Variants in CORO6 observed in about 807,000 individuals in gnomAD.
The protein encoded by CORO6 is coronin 6.
CORO6 carries 43 observed loss-of-function variants against 49.0 expected under a neutral mutation model. That is an observed-to-expected ratio of 0.88 (90% CI 0.69 to 1.13). The LOEUF (loss-of-function observed/expected upper bound fraction) is 1.13. Among genes scored for constraint, CORO6 ranks in the 50% most tolerant of loss-of-function variants. The probability of loss-of-function intolerance (pLI) is 0.00; values close to 1 mark genes in which losing one functional copy is unlikely to be tolerated. For synonymous variants in CORO6, 233 were observed against 256.5 expected, an observed-to-expected ratio of 0.91 and a Z score of 0.88; for missense variants, 650 against 647.0, an observed-to-expected ratio of 1.00 and a Z score of -0.05.
In CORO6 at chr17:29,619,108, C is replaced by G. The variant is rs1157668383; in HGVS notation, c.403G>C (p.Gly135Arg). Residue 135 changes from glycine to arginine, a missense_variant, in exon 4 of 11, where the codon GGC becomes CGC. Transcript: ENST00000388767. ...GCAGTAGGGTGCCAGGAGAGGATGC[C>G]CACACGCTTGGAGTGGCCCTCAAGT... ...ITLEGHSKRV[G>R]ILSWHPTARN... 1 of 1,613,674 alleles carries G rather than the reference C, an allele frequency of 6.2e-7. No homozygotes were observed. Among genetic ancestry groups the G allele is most frequent in the Non-Finnish European group, 8.5e-7 (1 of 1,179,898 alleles).
At position 29,621,555 on chromosome 17, in the gene CORO6, C is replaced by T. The variant is rs2035309646; in HGVS notation, c.-63-71G>A. On this transcript the variant is annotated intron_variant, in intron 1 of 10. Transcript: ENST00000388767. The surrounding 1 kb of genome is among the most constrained non-coding windows in gnomAD (Gnocchi z 4.2). ...ATGTGGTCAGGAGTCAGGTATAAAT[C>T]CATATAGTGTCTGGTCCTAGAAGCA... 7.0e-7 allele frequency: 1 copy of T among 1,436,872 alleles called. No individual in the cohort carries two copies. Among genetic ancestry groups the T allele is most frequent in the African/African-American group, 1.4e-5 (1 of 70,718 alleles). The allele number at this position is 1,436,872 out of a possible 1,614,324, so 89.0% of individuals were successfully genotyped here.
rs1360934166 is a variant in CORO6, at chr17:29,618,943, A to C, written c.480T>G (p.Asn160Lys). The C allele has an allele frequency of 6.2e-7, 1 of 1,613,652 alleles. No individual in the cohort carries two copies. Among genetic ancestry groups the C allele is most frequent in the Non-Finnish European group, 8.5e-7 (1 of 1,180,008 alleles). The part of the protein sequence containing the change: ...AGGDNVIIIW[N>K]VGTGEVLLSL... ...TCAGCAGCACCTCCCCGGTGCCCAC[A>C]TTCCAGATGATGATCACATTGTCAC... The change falls in exon 5 of 11, where the codon AAT becomes AAG. Residue 160 changes from asparagine (N) to lysine (K), a missense_variant. Asn to Lys is a moderately conservative substitution (Grantham distance 94, BLOSUM62 0). Transcript: ENST00000388767.
Position 29,618,883 on chromosome 17 carries a change from A to C in CORO6, c.540T>G (p.Ser180Arg). The C allele has an allele frequency of 6.2e-7, 1 of 1,613,848 alleles. No homozygotes were observed. Among genetic ancestry groups the C allele is most frequent in the Non-Finnish European group, 8.5e-7 (1 of 1,179,970 alleles). Residue 180 changes from serine (S) to arginine (R), a missense_variant, in exon 5 of 11, where the codon AGT becomes AGG. Physicochemically the swap from Ser to Arg is moderately radical, Grantham distance 110. Coordinates refer to ENST00000388767, the MANE Select transcript of CORO6 (RefSeq NM_032854.4). ...GGCTACCGTTGCTGTTCCAGCACAC[A>C]CTGTGGATGACGTCTGGGTGCATAT... ...LDDMHPDVIH[S>R]VCWNSNGSLL... is the part of the protein sequence containing the mutation.
At chr17:29,622,614 G>T in intron 1 of CORO6, 74 bp downstream of exon 1, 1 of 876,834 alleles carries the variant, frequency 1.1e-6, no homozygotes. Context: ...GGGAGGAGGC[G>T]CAGACCTCTG....
intron 6 of CORO6, chr17:29,617,288 G>C (rs1567806092): frequency 3.3e-6 from 5 of 1,530,596 alleles, no homozygotes; most frequent in Non-Finnish European, 4.4e-6. Flanking sequence ...CCAGGGACTC[G>C]GCATCACCAG....
Position 29,616,448 on chromosome 17 carries a change from T to G in CORO6, c.1005-112A>C, listed in dbSNP as rs568118705. 6.7e-6 allele frequency: 7 copies of G among 1,041,290 alleles called. No individual in the cohort carries two copies. The highest frequency in any genetic ancestry group is 6.3e-5 in the African/African-American group (4 of 63,258). The allele number at this position is 1,041,290 out of a possible 1,614,324, so 64.5% of individuals were successfully genotyped here. A position where few individuals can be genotyped will look rare whatever the true frequency, so the allele number is the denominator to read the frequency against. ...CTTGCTCAGCGCCTACCATGCATAT[T>G]GCACATTACACACATTATTGGTTCT... On this transcript the variant is annotated intron_variant, in intron 8 of 10. Coordinates refer to ENST00000388767, the MANE Select transcript of CORO6 (RefSeq NM_032854.4). The surrounding 1 kb of genome is among the most constrained non-coding windows in gnomAD (Gnocchi z 5.6).
rs1400551521 is a variant in CORO6 at position 29,617,520 on chromosome 17, C to T, written c.733G>A (p.Glu245Lys). The change falls in exon 6 of 11, where the codon GAG becomes AAG. Residue 245 changes from glutamate to lysine, a missense_variant. Transcript: ENST00000388767. ...GTTACCGGGTCCCACAGGCCCAGCTCTCGCTGGCTCATGCGGGTGAAGCCC... is the reference window on the plus strand; with the variant it reads ...GTTACCGGGTCCCACAGGCCCAGCTTTCGCTGGCTCATGCGGGTGAAGCCC... Reference protein sequence around the residue: ...TTGFTRMSQRELGLWDPNNFE... With the variant: ...TTGFTRMSQRKLGLWDPNNFE... 1.2e-6 allele frequency: 2 copies of T among 1,610,712 alleles called. No homozygotes were observed. The highest frequency in any genetic ancestry group is 8.5e-7 in the Non-Finnish European group (1 of 1,179,722).
At position 29,617,629 on chromosome 17, in the gene CORO6, G is replaced by C. The variant is rs771711028; in HGVS notation, c.634-10C>G. The C allele has an allele frequency of 6.3e-7, 1 of 1,581,130 alleles. No individual in the cohort carries two copies. The highest frequency in any genetic ancestry group is 1.3e-5 in the African/African-American group (1 of 74,348). On this transcript the variant is annotated splice_polypyrimidine_tract_variant and intron_variant, in intron 5 of 10. Coordinates refer to ENST00000388767, the MANE Select transcript of CORO6 (RefSeq NM_032854.4). Reference sequence around the variant, plus strand: ...GGGCCGCAAACCTCTCCTGGGGGGAGGGGGAGACAGGGAGGGACATCACCC... The same window carrying C: ...GGGCCGCAAACCTCTCCTGGGGGGACGGGGAGACAGGGAGGGACATCACCC...
In CORO6 at chr17:29,616,409, G is replaced by T. The variant is rs146808043; in HGVS notation, c.1005-73C>A. 6.9e-6 allele frequency: 10 copies of T among 1,444,528 alleles called. No individual in the cohort carries two copies. Among genetic ancestry groups the T allele is most frequent in the East Asian group, 4.8e-5 (2 of 41,408 alleles). The allele number at this position is 1,444,528 out of a possible 1,614,324, so 89.5% of individuals were successfully genotyped here. ...ACTTCTCCTGTCTAAGACCAAGGGG[G>T]TTGGAGGCCAACACTTGCTCAGCGC... On this transcript the variant is annotated intron_variant, in intron 8 of 10. Coordinates refer to ENST00000388767, the MANE Select transcript of CORO6 (RefSeq NM_032854.4). This position sits in a 1 kb window ranked among gnomAD's most constrained non-coding sequence, Gnocchi z 5.6.
chr17:29,617,198 C>T (rs1201698373), intron 6 of CORO6, 156 bp from the exon 7 acceptor site: 1 of 1,538,784 alleles, frequency 6.5e-7, no homozygotes. Context: ...GCACATCTCT[C>T]CTCCTCCCCT....
At chr17:29,622,150 T>C (rs1487018866) in intron 1 of CORO6, 1 of 153,298 alleles carries the variant, frequency 6.5e-6, no homozygotes, top group Admixed American at 6.5e-5. Context: ...CTGATCATGG[T>C]CTTCTGGCTT....
At chr17:29,617,120 G>A (rs921359324) in intron 6 of CORO6, 78 bp from the exon 7 acceptor site, 16 of 1,586,102 alleles carry the variant, frequency 1.0e-5, no homozygotes, top group Non-Finnish European at 1.4e-5. Context: ...GCCCCTTTAC[G>A]CTTCCTGGCC....
In CORO6 at chr17:29,616,249, C is replaced by T. The variant is rs1489229562; in HGVS notation, c.1062+30G>A. 2 of 1,610,894 alleles carry T rather than the reference C, an allele frequency of 1.2e-6. No individual in the cohort carries two copies. The highest frequency in any genetic ancestry group is 2.2e-5 in the South Asian group (2 of 90,502). ...TGCTCCGCTCCCTTCCGCCTCGTAG[C>T]CCTGCCCAACCCTTCTCCCGGCCCC... On this transcript the variant is annotated intron_variant, in intron 9 of 10. Transcript: ENST00000388767. This position sits in a 1 kb window ranked among gnomAD's most constrained non-coding sequence, Gnocchi z 5.6.
At chr17:29,617,969 G>T (rs1440893879) in intron 5 of CORO6, 2 of 1,231,072 alleles carry the variant, frequency 1.6e-6, no homozygotes, top group Non-Finnish European at 2.2e-6. Context: ...CCTCTTGGGC[G>T]CCAGCCACAG....
chr17:29,619,005 C>A, intron 4 of CORO6, 34 bp from the exon 5 acceptor site: 1 of 1,612,186 alleles, frequency 6.2e-7, no homozygotes, highest in Non-Finnish European at 8.5e-7. Flanking sequence ...TCACCTGGGT[C>A]CCACCTTTGC....
Position 29,617,498 on chromosome 17 carries a change from A to T in CORO6, c.753+2T>A. ...CACACCCCAAGCCTCCAGCTGCGTTACCGGGTCCCACAGGCCCAGCTCTCG... is the reference window on the plus strand; with the variant it reads ...CACACCCCAAGCCTCCAGCTGCGTTTCCGGGTCCCACAGGCCCAGCTCTCG... On this transcript the variant is annotated splice_donor_variant, in intron 6 of 10. Coordinates refer to ENST00000388767, the MANE Select transcript of CORO6 (RefSeq NM_032854.4). LOFTEE classifies it high-confidence loss of function. 2 of 1,607,380 alleles carry T rather than the reference A, an allele frequency of 1.2e-6. No individual in the cohort carries two copies. Among genetic ancestry groups the T allele is most frequent in the Non-Finnish European group, 1.7e-6 (2 of 1,178,616 alleles).
At position 29,616,255 on chromosome 17, in the gene CORO6, C is replaced by T. The variant is rs1212038994; in HGVS notation, c.1062+24G>A. ...GCTCCCTTCCGCCTCGTAGCCCTGC[C>T]CAACCCTTCTCCCGGCCCCTCACCT... On this transcript the variant is annotated intron_variant, in intron 9 of 10. Transcript: ENST00000388767. The surrounding 1 kb of genome is among the most constrained non-coding windows in gnomAD (Gnocchi z 5.6). 1 of 1,611,414 alleles carries T rather than the reference C, an allele frequency of 6.2e-7. No homozygotes were observed. Among genetic ancestry groups the T allele is most frequent in the South Asian group, 1.1e-5 (1 of 90,556 alleles).
At chr17:29,619,602 T>A in intron 3 of CORO6, 49 bp downstream of exon 3, 1 of 1,593,012 alleles carries the variant, frequency 6.3e-7, no homozygotes, top group South Asian at 1.1e-5. Context: ...TGAGGCAGCC[T>A]TCCCTGCTCC....
chr17:29,620,975 C>T (rs1042461387), intron 2 of CORO6, among the ~76,000 whole-genome samples: 2 of 152,112 alleles, frequency 1.3e-5, no homozygotes, highest in African/African-American at 2.4e-5. Flanking sequence ...CCCTCCTGGT[C>T]CCTGCTGGGA....
Sources: allele counts gnomAD v4.1 joint callset (sites outside exome capture counted in the v4.1 genomes callset), GRCh38; gene constraint gnomAD v4.1.1; non-coding constraint Gnocchi (gnomAD v3.1); transcripts MANE v1.5; gene names NCBI Gene and HGNC (gene_info 2026-07-23, HGNC 2026-07-21).